PCDHA6: variants seen among roughly 807,000 people sequenced by gnomAD.
PCDHA6 encodes protocadherin alpha 6.
A neutral mutation model predicts 60.3 loss-of-function variants in PCDHA6; 55 were observed. That is an observed-to-expected ratio of 0.91 (90% CI 0.73 to 1.14). The LOEUF (loss-of-function observed/expected upper bound fraction) is 1.14. Ranked by LOEUF, PCDHA6 falls within the 50% of genes most tolerant of loss-of-function variation. PCDHA6 has a pLI of 0.00. For missense variants in PCDHA6, 1,327 were observed against 1,256.5 expected (o/e 1.06, Z -0.85); for synonymous variants, 652 against 557.9 (o/e 1.17, Z -2.38).
rs2150481725 is a variant in PCDHA6, at chr5:140,850,382, C to A, written c.2394+19897C>A. On this transcript the variant is annotated intron_variant, in intron 1 of 3. Transcript: ENST00000529310. ...CGTTCCGCGTGGGGCTGTACACGGG[C>A]GAGATCAGCACAACGCGTGCCCTGG... 3.2e-5 allele frequency: 51 copies of A among 1,597,762 alleles called. 3 individuals are homozygous for A. In the African/African-American group the frequency reaches 5.9e-4, roughly 19 times the overall value.
rs1346870417 is a variant in PCDHA6 at position 140,982,634 on chromosome 5, TC to T, written c.2542+72del. 11 of 1,555,302 alleles carry T rather than the reference TC, an allele frequency of 7.1e-6. No homozygotes were observed. In the Admixed American group the frequency reaches 2.2e-4, roughly 30 times the overall value. ...GATCAGATGACCTACTTTTGTAAGATCAGGAATGTTGATGGCTCTTTTTCTT... is the reference window on the plus strand; with the variant it reads ...GATCAGATGACCTACTTTTGTAAGATAGGAATGTTGATGGCTCTTTTTCTT... On this transcript the variant is annotated intron_variant, in intron 3 of 3. Transcript: ENST00000529310.
intron 3 of PCDHA6, among the ~76,000 whole-genome samples, chr5:141,002,367 A>T (rs2098076282): frequency 6.6e-6 from 1 of 152,248 alleles, no homozygotes; most frequent in African/African-American, 2.4e-5. Context: ...CTTTCAACTC[A>T]TTCTGGCTTA....
rs1307653192 is a variant in PCDHA6, at chr5:141,009,883, G to C, written c.2799G>C (p.Lys933Asn). 1.2e-6 allele frequency: 2 copies of C among 1,613,212 alleles called. No individual in the cohort carries two copies. Among genetic ancestry groups the C allele is most frequent in the Non-Finnish European group, 1.7e-6 (2 of 1,179,888 alleles). Reference sequence around the variant, plus strand: ...AGAAGAAAAAGAAGAAGGGTAACAAGACCCAGGAGAAAAAAGAGAAAGGGA... The same window carrying C: ...AGAAGAAAAAGAAGAAGGGTAACAACACCCAGGAGAAAAAAGAGAAAGGGA... ...KKKKKKKKGNKTQEKKEKGNS... is the reference protein window; with the variant it reads ...KKKKKKKKGNNTQEKKEKGNS... The change falls in exon 4 of 4, where the codon AAG becomes AAC. Residue 933 changes from lysine (K) to asparagine (N), a missense_variant. Coordinates refer to ENST00000529310, the MANE Select transcript of PCDHA6 (RefSeq NM_018909.4).
intron 1 of PCDHA6, chr5:140,966,932 G>A: frequency 6.2e-7 from 1 of 1,603,726 alleles, no homozygotes; most frequent in Non-Finnish European, 8.5e-7. Flanking sequence ...GGCACCCGGC[G>A]CGCTCGTGGG....
rs548266069 is a variant in PCDHA6 at position 140,886,217 on chromosome 5, T to G, written c.2394+55732T>G. Among the ~76,000 whole-genome samples, 388 of 152,238 alleles carry G rather than the reference T, an allele frequency of 2.5e-3. 1 individual carries two copies. Among genetic ancestry groups the G allele is most frequent in the African/African-American group, 9.1e-3 (377 of 41,582 alleles). Reference sequence around the variant, plus strand: ...GTAATCTGTTCTCCATTTCTCTAATTTTGTTACTTTTACTTCAGAAATAAA... The same window carrying G: ...GTAATCTGTTCTCCATTTCTCTAATGTTGTTACTTTTACTTCAGAAATAAA... On this transcript the variant is annotated intron_variant, in intron 1 of 3. Coordinates refer to ENST00000529310, the MANE Select transcript of PCDHA6 (RefSeq NM_018909.4).
chr5:140,875,858 A>T, intron 1 of PCDHA6: 1 of 1,613,908 alleles, frequency 6.2e-7, no homozygotes, highest in Non-Finnish European at 8.5e-7. Flanking sequence ...ATTAACGACA[A>T]CCCGCCGGTG....
chr5:140,914,159 G>A (rs1193212496), intron 1 of PCDHA6, among the ~76,000 whole-genome samples: 3 of 152,088 alleles, frequency 2.0e-5, no homozygotes, highest in African/African-American at 4.8e-5. Flanking sequence ...TGTCCAATAC[G>A]GAAAGTGGGG....
intron 1 of PCDHA6, chr5:140,871,575 A>C (rs974047385): frequency 1.4e-6 from 2 of 1,477,482 alleles, no homozygotes; most frequent in Non-Finnish European, 1.8e-6. Flanking sequence ...GGATTTTTTA[A>C]GGGAAAGTTT....
chr5:140,877,366 A>G (rs1358364554), intron 1 of PCDHA6: 1 of 1,613,868 alleles, frequency 6.2e-7, no homozygotes, highest in Non-Finnish European at 8.5e-7. Context: ...TGGCGAGATC[A>G]GCACGACACG....
intron 1 of PCDHA6, chr5:140,867,368 C>A (rs1036514483): frequency 6.6e-6 from 1 of 151,940 alleles, no homozygotes; most frequent in African/African-American, 2.4e-5. Context: ...TTTACAGATG[C>A]GTAATGGAAT....
chr5:140,896,738 T>C (rs2065731964), intron 1 of PCDHA6, among the ~76,000 whole-genome samples: 2 of 152,180 alleles, frequency 1.3e-5, no homozygotes, highest in African/African-American at 4.8e-5. Context: ...AAGTTCCTTA[T>C]AGATTCTGGA....
chr5:140,884,467 G>A (rs199814121), intron 1 of PCDHA6: 6 of 1,613,778 alleles, frequency 3.7e-6, no homozygotes, highest in Non-Finnish European at 5.1e-6. Context: ...GCGCGTGCGC[G>A]CCGGGCAAGC....
intron 2 of PCDHA6, among the ~76,000 whole-genome samples, chr5:140,979,626 A>T (rs2096859120): frequency 2.0e-5 from 3 of 152,204 alleles, no homozygotes; most frequent in Non-Finnish European, 4.4e-5. Flanking sequence ...TTAGTCTAAG[A>T]CTCAGATTAA....
chr5:140,966,050 C>T (rs1554228018), intron 1 of PCDHA6, among the ~76,000 whole-genome samples: 3 of 152,206 alleles, frequency 2.0e-5, no homozygotes, highest in African/African-American at 7.2e-5. Context: ...TCGCCAGTAA[C>T]CCCAGAGCGC....
At chr5:140,969,464 C>T in intron 1 of PCDHA6, 2 of 1,491,562 alleles carry the variant, frequency 1.3e-6, no homozygotes, top group South Asian at 2.7e-5. Context: ...ATATAGTATC[C>T]ACAATTTGAT....
Position 140,829,960 on chromosome 5 carries a change from C to T in PCDHA6, c.1869C>T (p.Arg623=). ...CAAGCAGCGCTCGCTTCCCGTTTCGCGTGGGGCTGTACACGGGCGAGATCA... is the reference window on the plus strand; with the variant it reads ...CAAGCAGCGCTCGCTTCCCGTTTCGTGTGGGGCTGTACACGGGCGAGATCA... ...PPASSARFPF[R]VGLYTGEIST... is the part of the protein sequence containing the mutation. The change falls in exon 1 of 4, where the codon CGC becomes CGT. Residue 623 remains arginine, a synonymous_variant. Coordinates refer to ENST00000529310, the MANE Select transcript of PCDHA6 (RefSeq NM_018909.4). 2 of 1,613,984 alleles carry T rather than the reference C, an allele frequency of 1.2e-6. No homozygotes were observed. Among genetic ancestry groups the T allele is most frequent in the South Asian group, 1.1e-5 (1 of 91,076 alleles).
chr5:140,994,142 G>C (rs550428204), intron 3 of PCDHA6, among the ~76,000 whole-genome samples: 8 of 152,180 alleles, frequency 5.3e-5, no homozygotes, highest in Admixed American at 4.6e-4. Context: ...AATGCCCTAC[G>C]TAGGTAGGGT....
intron 1 of PCDHA6, chr5:140,868,284 G>A (rs1554161873): frequency 6.6e-6 from 1 of 152,004 alleles, no homozygotes; most frequent in Non-Finnish European, 1.5e-5. Flanking sequence ...TACCAAGTTT[G>A]AGAATATGAA....
At chr5:140,910,099 T>G (rs1554194123) in intron 1 of PCDHA6, among the ~76,000 whole-genome samples, 1 of 152,230 alleles carries the variant, frequency 6.6e-6, no homozygotes, top group African/African-American at 2.4e-5. Context: ...CAGCCTCCCC[T>G]TCATTTAAGG....
Sources: gnomAD v4.1 joint callset for allele counts (sites outside exome capture counted in the v4.1 genomes callset) on GRCh38, gnomAD v4.1.1 for gene constraint, MANE v1.5 for transcripts, NCBI Gene and HGNC (gene_info 2026-07-23, HGNC 2026-07-21) for gene names.